The following RBM47 variants were observed in gnomAD, a reference collection of about 807,000 sequenced individuals.
RBM47 encodes RNA binding motif protein 47, also known as RNA-binding protein 47.
Under a neutral mutation model 47.1 loss-of-function variants are expected in RBM47, and 21 were observed. The ratio of observed to expected loss-of-function variants is 0.45; its 90% CI spans 0.32 to 0.64. The LOEUF (loss-of-function observed/expected upper bound fraction) is 0.64, where lower values mean the gene tolerates loss of function less well. RBM47 is among the 30% of genes least tolerant of loss of function. RBM47 has a pLI of 0.05. For synonymous variants in RBM47, 375 were observed against 361.7 expected, an observed-to-expected ratio of 1.04 and a Z score of -0.42; for missense variants, 708 against 870.9, an observed-to-expected ratio of 0.81 and a Z score of 2.35.
At chr4:40,613,382 T>C (rs1736414115) in intron 1 of RBM47, among the ~76,000 whole-genome samples, 1 of 152,196 alleles carries the variant, frequency 6.6e-6, no homozygotes, top group South Asian at 2.1e-4. Flanking sequence ...TCTGGGGATA[T>C]TCTAATGACA....
rs766644209 is a variant in RBM47 at position 40,438,818 on chromosome 4, C to T, written c.76G>A (p.Val26Met). ...AGSSAKVPEGVAGAPNEAALL... is the reference protein window; with the variant it reads ...AGSSAKVPEGMAGAPNEAALL... Reference sequence around the variant, plus strand: ...GCTGCCTCGTTGGGCGCGCCCGCCACGCCCTCGGGCACCTTGGCGGAGGAC... The same window carrying T: ...GCTGCCTCGTTGGGCGCGCCCGCCATGCCCTCGGGCACCTTGGCGGAGGAC... The change falls in exon 4 of 7, where the codon GTG (valine) becomes ATG (methionine). Residue 26 changes from valine (V) to methionine (M), a missense_variant. Transcript: ENST00000295971. 1.0e-4 allele frequency: 155 copies of T among 1,555,600 alleles called. No individual in the cohort carries two copies. Among genetic ancestry groups the T allele is most frequent in the South Asian group, 4.4e-4 (38 of 86,570 alleles).
At chr4:40,515,636 A>T (rs1199806607) in intron 2 of RBM47, among the ~76,000 whole-genome samples, 3 of 152,140 alleles carry the variant, frequency 2.0e-5, no homozygotes, top group Non-Finnish European at 4.4e-5. Flanking sequence ...ACAAAACTGA[A>T]CCTAGAATTG....
At chr4:40,486,449 T>G (rs1056690547) in intron 2 of RBM47, among the ~76,000 whole-genome samples, 24 of 152,214 alleles carry the variant, frequency 1.6e-4, no homozygotes. Flanking sequence ...AATCAAACTT[T>G]GTCTGATTAA....
At chr4:40,566,118 A>G (rs1225460694) in intron 1 of RBM47, among the ~76,000 whole-genome samples, 1 of 152,084 alleles carries the variant, frequency 6.6e-6, no homozygotes, top group African/African-American at 2.4e-5. Flanking sequence ...ACAGAATAGG[A>G]GGAATGAGGG....
intron 2 of RBM47, among the ~76,000 whole-genome samples, chr4:40,468,416 C>T (rs191248119): frequency 2.2e-4 from 33 of 152,274 alleles, no homozygotes; most frequent in Non-Finnish European, 3.7e-4. Flanking sequence ...AAAAATCTAA[C>T]TAGTTGCAGA....
intron 1 of RBM47, among the ~76,000 whole-genome samples, chr4:40,574,537 A>T (rs1373573338): frequency 2.0e-5 from 3 of 152,238 alleles, no homozygotes; most frequent in Non-Finnish European, 4.4e-5. Context: ...AAGATGAAAA[A>T]GTCAAGGAAG....
At position 40,579,123 on chromosome 4, in the gene RBM47, T is replaced by TAAA. The variant is rs745819109; in HGVS notation, c.-239-34620_-239-34618dup. ...AACAGAGCGAGACTCTATCTTAAAT[T>TAAA]AAAAAAAAAAAAAATGCAGCCAGGC... On this transcript the variant is annotated intron_variant, in intron 1 of 6. Coordinates refer to ENST00000295971, the MANE Select transcript of RBM47 (RefSeq NM_001098634.2). Among the ~76,000 whole-genome samples the TAAA allele has an allele frequency of 2.4e-5, 3 of 125,134 alleles. 1 individual carries two copies. The highest frequency in any genetic ancestry group is 3.4e-5 in the Non-Finnish European group (2 of 59,338). The allele number at this position is 125,134 out of a possible 152,430, so 82.1% of individuals were successfully genotyped here. A position where few individuals can be genotyped will look rare whatever the true frequency, so the allele number is the denominator to read the frequency against.
chr4:40,482,468 C>T (rs987738264), intron 2 of RBM47, among the ~76,000 whole-genome samples: 1 of 151,564 alleles, frequency 6.6e-6, no homozygotes, highest in African/African-American at 2.4e-5. Flanking sequence ...TGGCCAGGCT[C>T]GTCTTGAACT....
chr4:40,568,398 C>A (rs190109562), intron 1 of RBM47, among the ~76,000 whole-genome samples: 2 of 130,808 alleles, frequency 1.5e-5, no homozygotes, highest in African/African-American at 2.9e-5. Flanking sequence ...CACAGCCCTG[C>A]AGCCTAGGTA....
intron 1 of RBM47, among the ~76,000 whole-genome samples, chr4:40,568,677 G>A (rs899930475): frequency 9.9e-5 from 15 of 151,744 alleles, no homozygotes; most frequent in Admixed American, 5.9e-4. Flanking sequence ...TCTGACTGAC[G>A]GGCCACTAGC....
chr4:40,451,437 G>C (rs1715431059), intron 3 of RBM47, among the ~76,000 whole-genome samples: 1 of 152,180 alleles, frequency 6.6e-6, no homozygotes, highest in African/African-American at 2.4e-5. Flanking sequence ...GCCGAAATCA[G>C]TCTAAAGCAT....
chr4:40,488,028 A>AAGAG (rs146501419), intron 2 of RBM47, among the ~76,000 whole-genome samples: 15,894 of 151,826 alleles, frequency 0.1, 976 homozygotes, highest in East Asian at 0.19. Context: ...GAAAGAAAGA[A>AAGAG]AGAGAGAGAG....
At chr4:40,624,579 T>C (rs988219042) in intron 1 of RBM47, among the ~76,000 whole-genome samples, 3 of 152,210 alleles carry the variant, frequency 2.0e-5, no homozygotes, top group Non-Finnish European at 4.4e-5. Context: ...GAGAAATAGA[T>C]CATAGGTATT....
chr4:40,520,259 C>T (rs1726071325), intron 2 of RBM47, among the ~76,000 whole-genome samples: 1 of 152,196 alleles, frequency 6.6e-6, no homozygotes, highest in African/African-American at 2.4e-5. Flanking sequence ...TGAGAAAGGA[C>T]TGTGCCTTCT....
Position 40,521,635 on chromosome 4 carries a change from C to T in RBM47, c.-155+22787G>A, listed in dbSNP as rs1726201112. Among the ~76,000 whole-genome samples, 3 of 152,188 alleles carry T rather than the reference C, an allele frequency of 2.0e-5. No individual in the cohort carries two copies. In the South Asian group the frequency reaches 6.2e-4, roughly 32 times the overall value. Reference sequence around the variant, plus strand: ...TCTCAAGGAAAAATCACTTGAGAGTCACAGGCTACATTACTTGATAAAACA... The same window carrying T: ...TCTCAAGGAAAAATCACTTGAGAGTTACAGGCTACATTACTTGATAAAACA... On this transcript the variant is annotated intron_variant, in intron 2 of 6. Transcript: ENST00000295971.
chr4:40,540,477 T>TAA (rs1728403235), intron 2 of RBM47, among the ~76,000 whole-genome samples: 1 of 151,582 alleles, frequency 6.6e-6, no homozygotes, highest in Non-Finnish European at 1.5e-5. Flanking sequence ...CCATCTCTAC[T>TAA]AAAAATACAA....
At chr4:40,433,981 AGTGTGTGTGTGTGGGGCGGGGGTGT>A (rs1560352180) in intron 5 of RBM47, among the ~76,000 whole-genome samples, 1 of 103,230 alleles carries the variant, frequency 9.7e-6, no homozygotes, top group Non-Finnish European at 1.9e-5. Flanking sequence ...CTTTTGTGTG[AGTGTGTGTGTGTGGGGCGGGGGTGT>A]GTGTGTGTGT....
At chr4:40,578,828 TGATA>T (rs1732579844) in intron 1 of RBM47, among the ~76,000 whole-genome samples, 2 of 152,124 alleles carry the variant, frequency 1.3e-5, no homozygotes, top group South Asian at 4.1e-4. Context: ...GCTCAAAATG[TGATA>T]GCAAGCTGGG....
At chr4:40,627,126 A>G (rs1305657339) in intron 1 of RBM47, among the ~76,000 whole-genome samples, 1 of 152,228 alleles carries the variant, frequency 6.6e-6, no homozygotes, top group Non-Finnish European at 1.5e-5. Flanking sequence ...CCCAAGAGGG[A>G]AAGAAAATAT....
Sources: allele counts gnomAD v4.1 joint callset (sites outside exome capture counted in the v4.1 genomes callset), GRCh38; gene constraint gnomAD v4.1.1; transcripts MANE v1.5; gene names NCBI Gene and HGNC (gene_info 2026-07-23, HGNC 2026-07-21).